Variants in FKTN observed in about 807,000 individuals in gnomAD.
FKTN encodes fukutin.
In FKTN, 47 loss-of-function variants were observed where a neutral mutation model predicts 58.6. The observed-to-expected ratio is 0.80, with a 90% CI of 0.63 to 1.02. The LOEUF (loss-of-function observed/expected upper bound fraction) is 1.02. Among genes scored for constraint, FKTN ranks in the 50% least tolerant of loss-of-function variants. The pLI, the probability that FKTN is intolerant of heterozygous loss-of-function variation, is 0.00. For missense variants in FKTN, 516 were observed against 537.3 expected, an observed-to-expected ratio of 0.96 and a Z score of 0.39; for synonymous variants, 178 against 191.9, an observed-to-expected ratio of 0.93 and a Z score of 0.60.
At chr9:105,594,514 T>C (rs1826387418) in intron 3 of FKTN, among the ~76,000 whole-genome samples, 1 of 152,186 alleles carries the variant, frequency 6.6e-6, no homozygotes, top group Non-Finnish European at 1.5e-5. Context: ...TCCCAGCACT[T>C]TGGGAGGCGG....
chr9:105,612,126 G>T (rs1264882694), intron 7 of FKTN, among the ~76,000 whole-genome samples: 1 of 151,820 alleles, frequency 6.6e-6, no homozygotes, highest in Non-Finnish European at 1.5e-5. Flanking sequence ...ATTTTCTAAT[G>T]ATCAGTGATG....
chr9:105,636,956 A>G lies in FKTN; in HGVS notation c.*1692A>G. ...ATGCAGAATTATTGGGTCTTTCATA[A>G]ATAACATGAGTGGTTTCTGGAGACA... On this transcript the variant is annotated 3_prime_UTR_variant, in exon 11 of 11. Transcript: ENST00000357998. 1 of 1,035,468 alleles carries G rather than the reference A, an allele frequency of 9.7e-7. No homozygotes were observed. The highest frequency in any genetic ancestry group is 1.2e-6 in the Non-Finnish European group (1 of 853,676). 64.1% of individuals were successfully genotyped at this position (1,035,468 alleles called of 1,614,324 possible). A position where few individuals can be genotyped will look rare whatever the true frequency, so the allele number is the denominator to read the frequency against.
Position 105,636,447 on chromosome 9 carries a change from G to C in FKTN, c.*1183G>C. The C allele has an allele frequency of 2.0e-6, 2 of 989,898 alleles. No individual in the cohort carries two copies. Among genetic ancestry groups the C allele is most frequent in the Non-Finnish European group, 2.4e-6 (2 of 832,416 alleles). 61.3% of individuals were successfully genotyped at this position (989,898 alleles called of 1,614,324 possible). A position where few individuals can be genotyped will look rare whatever the true frequency, so the allele number is the denominator to read the frequency against. On this transcript the variant is annotated 3_prime_UTR_variant, in exon 11 of 11. Transcript: ENST00000357998. ...TTTGTAAAGTTTGTGTCCCTCCCCA[G>C]TTTTTCAGTCTGTTGAATGTCGATG...
intron 3 of FKTN, among the ~76,000 whole-genome samples, chr9:105,595,295 A>G (rs1826564249): frequency 6.6e-6 from 1 of 152,218 alleles, no homozygotes; most frequent in South Asian, 2.1e-4. Context: ...CACTTTAGAA[A>G]GGCAGATTTT....
chr9:105,581,528 A>T (rs1842909437), intron 3 of FKTN, among the ~76,000 whole-genome samples: 1 of 151,424 alleles, frequency 6.6e-6, no homozygotes, highest in African/African-American at 2.4e-5. Flanking sequence ...GCCGGTTCTC[A>T]GATCTCCAGC....
chr9:105,597,290 A>T (rs1179858351), intron 4 of FKTN, among the ~76,000 whole-genome samples: 2 of 152,138 alleles, frequency 1.3e-5, no homozygotes, highest in African/African-American at 4.8e-5. Flanking sequence ...CTTCTCTATA[A>T]CTAGAGATGT....
At chr9:105,621,508 A>T (rs1831935752) in intron 10 of FKTN, among the ~76,000 whole-genome samples, 2 of 152,132 alleles carry the variant, frequency 1.3e-5, no homozygotes, top group South Asian at 2.1e-4. Context: ...AAGGATGTGT[A>T]TGAAAAGTTA....
intron 1 of FKTN, among the ~76,000 whole-genome samples, chr9:105,566,171 G>A (rs1325953860): frequency 6.6e-6 from 1 of 152,168 alleles, no homozygotes; most frequent in Non-Finnish European, 1.5e-5. Flanking sequence ...GAAATTTATA[G>A]CACTAAATGC....
rs199697041 is a variant in FKTN, at chr9:105,615,338, C to G, written c.841C>G (p.Leu281Val). 6.2e-6 allele frequency: 10 copies of G among 1,613,538 alleles called. No individual in the cohort carries two copies. The East Asian group carries it at 2.2e-4, about 36-fold the overall frequency. ...VAFRKSAKEL[L>V]QLAAKTLNKL... ...CTTTCGGAAGAGTGCAAAGGAATTA[C>G]TGCAACTAGCAGCGAAAACATTAAA... The change falls in exon 8 of 11, where the codon CTG (leucine) becomes GTG (valine). Residue 281 changes from leucine to valine, a missense_variant. Physicochemically the swap from Leu to Val is conservative, Grantham distance 32. Coordinates refer to ENST00000357998, the MANE Select transcript of FKTN (RefSeq NM_001079802.2).
intron 1 of FKTN, among the ~76,000 whole-genome samples, chr9:105,569,587 C>G (rs986097253): frequency 3.3e-5 from 5 of 152,178 alleles, no homozygotes; most frequent in Admixed American, 1.3e-4. Flanking sequence ...ATAACCCATT[C>G]ATGATTTAGT....
At chr9:105,633,450 GT>G (rs1157556032) in intron 10 of FKTN, 1 of 152,140 alleles carries the variant, frequency 6.6e-6, no homozygotes, top group Admixed American at 6.5e-5. Context: ...CAACTTCATT[GT>G]GTCAACTTGA....
intron 7 of FKTN, among the ~76,000 whole-genome samples, chr9:105,612,241 A>T (rs116391378): frequency 0.025 from 3,870 of 151,868 alleles, 183 homozygotes; most frequent in African/African-American, 0.089. Flanking sequence ...TTTTTCCTTG[A>T]AAATTTGTTT....
chr9:105,593,818 T>C (rs10816281), intron 3 of FKTN, among the ~76,000 whole-genome samples: 19,534 of 152,218 alleles, frequency 0.13, 1,614 homozygotes, highest in East Asian at 0.46. Context: ...GTATTGATAA[T>C]TGACCGTTGG....
chr9:105,590,650 A>G (rs1054749842), intron 3 of FKTN, among the ~76,000 whole-genome samples: 8 of 152,204 alleles, frequency 5.3e-5, no homozygotes, highest in African/African-American at 1.9e-4. Flanking sequence ...TTGCAATGGC[A>G]AATTGCTGTT....
At chr9:105,619,836 C>A in intron 9 of FKTN, 98 bp from the exon 10 acceptor site, 2 of 1,156,420 alleles carry the variant, frequency 1.7e-6, no homozygotes, top group Non-Finnish European at 1.2e-6. Flanking sequence ...GTATGTAAAA[C>A]TTAAGAATCT....
At chr9:105,616,793 C>G (rs1159410319) in intron 8 of FKTN, among the ~76,000 whole-genome samples, 1 of 151,528 alleles carries the variant, frequency 6.6e-6, no homozygotes, top group Non-Finnish European at 1.5e-5. Flanking sequence ...CAGGCATAAA[C>G]TGGGATATAC....
At chr9:105,603,180 C>G (rs186084405) in intron 5 of FKTN, among the ~76,000 whole-genome samples, 1 of 152,084 alleles carries the variant, frequency 6.6e-6, no homozygotes, top group Non-Finnish European at 1.5e-5. Flanking sequence ...CCCAAGGTCA[C>G]GTTCTTCTCA....
chr9:105,595,941 T>C (rs1826719109), intron 3 of FKTN, among the ~76,000 whole-genome samples: 1 of 152,200 alleles, frequency 6.6e-6, no homozygotes. Context: ...ACATTCTTTC[T>C]CCTCTTACTC....
chr9:105,592,872 C>T (rs1226994581), intron 3 of FKTN, among the ~76,000 whole-genome samples: 1 of 152,164 alleles, frequency 6.6e-6, no homozygotes, highest in East Asian at 1.9e-4. Context: ...AACCATTCAA[C>T]AAGTCTCTAG....
Sources: gnomAD v4.1 joint callset for allele counts (sites outside exome capture counted in the v4.1 genomes callset) on GRCh38, gnomAD v4.1.1 for gene constraint, MANE v1.5 for transcripts, NCBI Gene and HGNC (gene_info 2026-07-23, HGNC 2026-07-21) for gene names.